The following GRK1 variants were observed in gnomAD, a reference collection of about 807,000 sequenced individuals.
GRK1 encodes G protein-coupled receptor kinase 1.
In GRK1, 28 loss-of-function variants were observed where a neutral mutation model predicts 41.7. That is an observed-to-expected ratio of 0.67 (90% CI 0.50 to 0.92). GRK1 has a LOEUF of 0.92. Ranked by LOEUF, GRK1 falls within the 40% of genes least tolerant of loss-of-function variation. The pLI is 0.00. For synonymous variants in GRK1, 327 were observed against 286.7 expected, an observed-to-expected ratio of 1.14 and a Z score of -1.42; for missense variants, 703 against 671.2, an observed-to-expected ratio of 1.05 and a Z score of -0.52.
At chr13:113,723,850 G>GTGCA (rs1555360571) in intron 4 of GRK1, among the ~76,000 whole-genome samples, 1 of 120,796 alleles carries the variant, frequency 8.3e-6, no homozygotes, top group African/African-American at 4.3e-5. Context: ...ACGTGTCTGT[G>GTGCA]TGCCTGTGTG....
At chr13:113,660,483 TA>T in the GRK1 span, among the ~76,000 whole-genome samples, 5 of 152,158 alleles carry the variant, frequency 3.3e-5, no homozygotes, top group South Asian at 1.0e-3. Flanking sequence ...AGAAAGCCAG[TA>T]AAAAGAGAAG....
At chr13:113,732,561 C>T (rs1566698778) in intron 5 of GRK1, among the ~76,000 whole-genome samples, 2 of 152,222 alleles carry the variant, frequency 1.3e-5, no homozygotes, top group East Asian at 1.9e-4. Flanking sequence ...GGAGTGAAAA[C>T]GGAGGCTGCT....
chr13:113,660,159 T>C, the GRK1 span, among the ~76,000 whole-genome samples: 1 of 152,078 alleles, frequency 6.6e-6, no homozygotes, highest in Non-Finnish European at 1.5e-5. Flanking sequence ...TCTATACAAA[T>C]TGGGTGCCAG....
At chr13:113,733,347 C>T in intron 6 of GRK1, among the ~76,000 whole-genome samples, 1 of 152,240 alleles carries the variant, frequency 6.6e-6, no homozygotes, top group African/African-American at 2.4e-5. Context: ...GCCTCGAGAC[C>T]CAAACCTTCC....
Position 113,671,549 on chromosome 13 carries a change from G to T in GRK1, c.878G>T (p.Arg293Leu). The change falls in exon 3 of 7, where the codon CGC becomes CTC. Residue 293 changes from arginine to leucine, a missense_variant. Physicochemically the swap from Arg to Leu is moderately radical, Grantham distance 102. Transcript: ENST00000335678. The surrounding 1 kb of genome is among the most constrained non-coding windows in gnomAD (Gnocchi z 4.1). ...NEENPGFPEP[R>L]ALFYTAQIIC... ...GAGAACCCTGGCTTCCCGGAGCCGC[G>T]CGCCCTCTTCTACACGGCGCAGATC... is the stretch of plus-strand genomic sequence containing the variant. 1 of 778,564 alleles carries T rather than the reference G, an allele frequency of 1.3e-6. No homozygotes were observed. 48.2% of individuals were successfully genotyped at this position (778,564 alleles called of 1,614,324 possible). A position where few individuals can be genotyped will look rare whatever the true frequency, so the allele number is the denominator to read the frequency against.
chr13:113,657,410 G>A, the GRK1 span, among the ~76,000 whole-genome samples: 2 of 152,234 alleles, frequency 1.3e-5, no homozygotes, highest in Admixed American at 6.5e-5. Context: ...TGATGTAGAC[G>A]CAGACGCTTC....
chr13:113,728,722 C>T (rs1262718413), intron 4 of GRK1, among the ~76,000 whole-genome samples: 1 of 152,182 alleles, frequency 6.6e-6, no homozygotes, highest in Non-Finnish European at 1.5e-5. Context: ...CTGCGGTTTC[C>T]ACCCTGGAGG....
At chr13:113,723,228 G>A (rs1288431790) in intron 4 of GRK1, 71 bp downstream of exon 4, 2 of 647,072 alleles carry the variant, frequency 3.1e-6, no homozygotes, top group African/African-American at 1.8e-5. Flanking sequence ...GTGTGCCTGT[G>A]TGCACTTGCA....
intron 6 of GRK1, among the ~76,000 whole-genome samples, chr13:113,733,697 A>C (rs572195546): frequency 3.0e-5 from 3 of 101,046 alleles, no homozygotes; most frequent in East Asian, 3.0e-4. Flanking sequence ...GTGTGCATAC[A>C]TGTGTGCGTG....
the GRK1 span, chr13:113,653,545 T>G: frequency 4.8e-6 from 4 of 837,308 alleles, no homozygotes; most frequent in East Asian, 5.1e-5. Flanking sequence ...CCCAGGAGCC[T>G]CCTCGGAGTA....
At chr13:113,649,255 G>A in the GRK1 span, 20 of 1,283,352 alleles carry the variant, frequency 1.6e-5, no homozygotes, top group Admixed American at 1.0e-4. This position sits in a 1 kb window ranked among gnomAD's most constrained non-coding sequence, Gnocchi z 4.7. Flanking sequence ...TGACAACACC[G>A]TTGCTCCAAA....
chr13:113,733,882 C>T (rs538035240), intron 6 of GRK1, among the ~76,000 whole-genome samples: 2 of 67,668 alleles, frequency 3.0e-5, no homozygotes, highest in African/African-American at 2.0e-4. Flanking sequence ...TGTGTGCATA[C>T]GTGTGTGCGT....
intron 5 of GRK1, 49 bp from the exon 6 acceptor site, chr13:113,732,835 C>T: frequency 6.5e-7 from 1 of 1,531,648 alleles, no homozygotes; most frequent in South Asian, 1.2e-5. Context: ...GGTCTGACCA[C>T]CCAAGAGAGG....
At chr13:113,734,147 A>G (rs1473144169) in intron 6 of GRK1, among the ~76,000 whole-genome samples, 3 of 152,030 alleles carry the variant, frequency 2.0e-5, no homozygotes, top group Non-Finnish European at 2.9e-5. Context: ...GTCAGGTGGA[A>G]GGGTCAGGCC....
intron 4 of GRK1, among the ~76,000 whole-genome samples, chr13:113,728,972 C>T (rs369082868): frequency 1.4e-4 from 22 of 152,200 alleles, no homozygotes; most frequent in East Asian, 1.4e-3. Context: ...TGGGGGTGCC[C>T]GGAGGCTGCA....
At chr13:113,649,335 G>C in the GRK1 span, 1 of 1,562,576 alleles carries the variant, frequency 6.4e-7, no homozygotes, top group Admixed American at 1.9e-5. The surrounding 1 kb of genome is among the most constrained non-coding windows in gnomAD (Gnocchi z 4.7). Flanking sequence ...GTCCTTGAGC[G>C]ACCCCGCAGG....
intron 6 of GRK1, among the ~76,000 whole-genome samples, chr13:113,733,662 C>CGCGTGT (rs1555361146): frequency 7.9e-6 from 1 of 126,056 alleles, no homozygotes; most frequent in African/African-American, 3.2e-5. Context: ...CGTGTGTGTG[C>CGCGTGT]GTGTGTGCAC....
rs2050007891 is a variant in GRK1 at position 113,736,835 on chromosome 13, T to G, written c.*1472T>G. On this transcript the variant is annotated 3_prime_UTR_variant, in exon 7 of 7. Transcript: ENST00000335678. ...GCTGGTGGTAGAAAGAAGCCCTGTC[T>G]ACTCTAATTTGGTGAGAGGGGCCGC... 1 of 152,332 alleles carries G rather than the reference T, an allele frequency of 6.6e-6. No individual in the cohort carries two copies. The highest frequency in any genetic ancestry group is 1.5e-5 in the Non-Finnish European group (1 of 68,102). 9.4% of individuals were successfully genotyped at this position (152,332 alleles called of 1,614,324 possible).
the GRK1 span, chr13:113,650,509 T>G: frequency 6.2e-7 from 1 of 1,609,442 alleles, no homozygotes; most frequent in Non-Finnish European, 8.5e-7. The surrounding 1 kb of genome is among the most constrained non-coding windows in gnomAD (Gnocchi z 5.0). Context: ...GGGCTGGTCC[T>G]GGGGAGGAGA....
Sources: gnomAD v4.1 joint callset for allele counts (sites outside exome capture counted in the v4.1 genomes callset) on GRCh38, gnomAD v4.1.1 for gene constraint, Gnocchi (gnomAD v3.1) non-coding constraint, MANE v1.5 for transcripts, NCBI Gene and HGNC (gene_info 2026-07-23, HGNC 2026-07-21) for gene names.